Variants in CLRN1 observed in about 807,000 individuals in gnomAD.
The protein encoded by CLRN1 is clarin 1, also known as clarin-1.
CLRN1 carries 15 observed loss-of-function variants against 18.7 expected under a neutral mutation model. The ratio of observed to expected loss-of-function variants is 0.80; its 90% CI spans 0.54 to 1.23. The LOEUF (loss-of-function observed/expected upper bound fraction) is 1.23, where lower values mean the gene tolerates loss of function less well. CLRN1 is among the 50% of genes most tolerant of loss of function. The pLI, the probability that CLRN1 is intolerant of heterozygous loss-of-function variation, is 0.00. For missense variants in CLRN1, 311 were observed against 277.5 expected (o/e 1.12, Z -0.86); for synonymous variants, 104 against 102.9 (o/e 1.01, Z -0.07).
At chr3:150,952,968 C>T (rs373530095) in intron 1 of CLRN1, among the ~76,000 whole-genome samples, 1 of 151,978 alleles carries the variant, frequency 6.6e-6, no homozygotes, top group East Asian at 1.9e-4. Flanking sequence ...ATCAAAAATC[C>T]CCAAGTCTGT....
chr3:150,944,113 C>CAGACTTTTACAGGT, intron 1 of CLRN1: 1 of 525,880 alleles, frequency 1.9e-6, no homozygotes, highest in Non-Finnish European at 3.4e-6. Flanking sequence ...AACGAGCTGA[C>CAGACTTTTACAGGT]ACCTGAATGT....
intron 1 of CLRN1, among the ~76,000 whole-genome samples, chr3:150,962,372 G>A (rs1217254712): frequency 1.3e-5 from 2 of 152,140 alleles, no homozygotes; most frequent in Non-Finnish European, 2.9e-5. Context: ...TCAGTCTAAT[G>A]TATATGAGTT....
intron 1 of CLRN1, chr3:150,943,923 T>C: frequency 2.5e-6 from 4 of 1,611,012 alleles, no homozygotes; most frequent in Non-Finnish European, 3.4e-6. Flanking sequence ...CTGCAAGAGG[T>C]TGAGCAGGGC....
At chr3:150,929,463 G>A (rs776785762) in intron 2 of CLRN1, among the ~76,000 whole-genome samples, 28 of 152,286 alleles carry the variant, frequency 1.8e-4, no homozygotes, top group Non-Finnish European at 3.2e-4. Context: ...TGCTGGGATG[G>A]TTTTCTACCT....
At chr3:150,968,131 A>C (rs945575179) in intron 1 of CLRN1, among the ~76,000 whole-genome samples, 2 of 152,194 alleles carry the variant, frequency 1.3e-5, no homozygotes, top group Non-Finnish European at 2.9e-5. Context: ...TCATTGAACT[A>C]TCTTGGCAAT....
At chr3:150,942,143 G>A (rs1474635808) in intron 1 of CLRN1, among the ~76,000 whole-genome samples, 1 of 151,916 alleles carries the variant, frequency 6.6e-6, no homozygotes, top group Non-Finnish European at 1.5e-5. Flanking sequence ...TTTTAAGTTT[G>A]GAGATATCTG....
At chr3:150,961,553 G>A (rs140697800) in intron 1 of CLRN1, among the ~76,000 whole-genome samples, 1 of 152,304 alleles carries the variant, frequency 6.6e-6, no homozygotes, top group Non-Finnish European at 1.5e-5. Context: ...AATGATGTCA[G>A]CAATGGTGCC....
At chr3:150,967,229 C>T (rs1715304195) in intron 1 of CLRN1, among the ~76,000 whole-genome samples, 1 of 152,166 alleles carries the variant, frequency 6.6e-6, no homozygotes, top group Non-Finnish European at 1.5e-5. Context: ...CAGGGAAATA[C>T]ACATTCTCAA....
At chr3:150,941,270 A>C (rs766646382) in intron 2 of CLRN1, 2 of 225,880 alleles carry the variant, frequency 8.9e-6, no homozygotes. Context: ...TTAGGTTCAC[A>C]ATGTTTATAT....
At chr3:150,945,123 G>A (rs541194449) in intron 1 of CLRN1, among the ~76,000 whole-genome samples, 3 of 152,290 alleles carry the variant, frequency 2.0e-5, no homozygotes, top group East Asian at 3.9e-4. Context: ...AACTTTATGT[G>A]CTAAGTGCCT....
At chr3:150,964,762 A>T (rs1474237680) in intron 1 of CLRN1, among the ~76,000 whole-genome samples, 1 of 152,228 alleles carries the variant, frequency 6.6e-6, no homozygotes, top group Non-Finnish European at 1.5e-5. Context: ...AACATGAATG[A>T]AGCTGGAAAC....
At chr3:150,969,313 A>ATATATATATTT (rs1267715691) in intron 1 of CLRN1, among the ~76,000 whole-genome samples, 1 of 43,544 alleles carries the variant, frequency 2.3e-5, no homozygotes, top group African/African-American at 9.9e-5. Context: ...ATATATATAT[A>ATATATATATTT]TTTTTTTTTT....
chr3:150,941,624 G>C lies in CLRN1; in HGVS notation c.391C>G (p.Leu131Val), dbSNP rs769219733. The change falls in exon 2 of 3, where the codon CTG becomes GTG. Residue 131 changes from leucine to valine, a missense_variant. Leu to Val is a conservative substitution (Grantham distance 32). Transcript: ENST00000327047. The stretch of plus-strand genomic sequence containing the variant: ...AGGTACAGCCCTAGGGGACCATGCA[G>C]AGTTTCAAAAGGTTTTCCAAAAGCA... The part of the protein sequence containing the change: ...YNAFGKPFET[L>V]HGPLGLYLLS... 1.2e-6 allele frequency: 2 copies of C among 1,614,074 alleles called. No homozygotes were observed. The highest frequency in any genetic ancestry group is 1.7e-6 in the Non-Finnish European group (2 of 1,179,940).
chr3:150,945,685 C>A, intron 1 of CLRN1: 1 of 1,254,188 alleles, frequency 8.0e-7, no homozygotes, highest in South Asian at 1.3e-5. Context: ...TTTATCTTCT[C>A]ACAATCAGAA....
At chr3:150,963,497 A>ACTTATAGAT (rs1397661203) in intron 1 of CLRN1, among the ~76,000 whole-genome samples, 4 of 152,218 alleles carry the variant, frequency 2.6e-5, no homozygotes, top group Admixed American at 6.5e-5. Context: ...GCCCAAAGTA[A>ACTTATAGAT]CTTATAGATT....
intron 1 of CLRN1, among the ~76,000 whole-genome samples, chr3:150,965,242 C>T (rs1715210312): frequency 6.6e-6 from 1 of 152,030 alleles, no homozygotes; most frequent in South Asian, 2.1e-4. Context: ...TTGTGGTGAC[C>T]TCTCTGTTTC....
upstream of CLRN1, chr3:150,972,954 A>G (rs1225191883): frequency 3.2e-6 from 2 of 618,424 alleles, no homozygotes; most frequent in Admixed American, 2.4e-5. Context: ...TCTTTGGACT[A>G]AGAATCTGTA....
At chr3:150,942,092 C>T (rs901570307) in intron 1 of CLRN1, among the ~76,000 whole-genome samples, 9 of 151,528 alleles carry the variant, frequency 5.9e-5, no homozygotes, top group Non-Finnish European at 1.0e-4. Flanking sequence ...TGACCTTTCT[C>T]GGTAGTCATT....
chr3:150,946,558 T>A (rs1462540849), intron 1 of CLRN1, among the ~76,000 whole-genome samples: 1 of 27,758 alleles, frequency 3.6e-5, no homozygotes, highest in African/African-American at 7.0e-5. Flanking sequence ...ACAAAAATAC[T>A]TTTTTTTTAA....
Sources: allele counts gnomAD v4.1 joint callset (sites outside exome capture counted in the v4.1 genomes callset), GRCh38; gene constraint gnomAD v4.1.1; transcripts MANE v1.5; gene names NCBI Gene and HGNC (gene_info 2026-07-23, HGNC 2026-07-21).